Variants in BTRC observed in about 807,000 individuals in gnomAD.
BTRC encodes F-box/WD repeat-containing protein 1A.
A neutral mutation model predicts 85.5 loss-of-function variants in BTRC; 42 were observed. The ratio of observed to expected loss-of-function variants is 0.49; its 90% confidence interval spans 0.38 to 0.64. BTRC has a LOEUF of 0.64. BTRC is among the 30% of genes least tolerant of loss of function. The pLI is 0.00. For synonymous variants in BTRC, 255 were observed against 263.3 expected (o/e 0.97, Z 0.30); for missense variants, 594 against 743.5 (o/e 0.80, Z 2.34).
At chr10:101,354,109 C>G, upstream of BTRC, 22 of 1,512,322 alleles carry the variant, frequency 1.5e-5, no homozygotes, top group Non-Finnish European at 1.9e-5. Context: ...GGGATCCGGG[C>G]GCTGCGTTGG....
At chr10:101,507,808 A>G (rs1946579868) in intron 4 of BTRC, among the ~76,000 whole-genome samples, 1 of 152,186 alleles carries the variant, frequency 6.6e-6, no homozygotes, top group Non-Finnish European at 1.5e-5. Context: ...TGCCTATTTC[A>G]ATCATTTCTT....
intron 3 of BTRC, among the ~76,000 whole-genome samples, chr10:101,473,411 G>A (rs1183598732): frequency 6.8e-6 from 1 of 147,906 alleles, no homozygotes; most frequent in Non-Finnish European, 1.5e-5. Context: ...AGCCTCCTGA[G>A]TAGCTGGGAC....
intron 1 of BTRC, among the ~76,000 whole-genome samples, chr10:101,404,661 A>G (rs937277077): frequency 2.0e-5 from 3 of 152,072 alleles, no homozygotes; most frequent in African/African-American, 7.2e-5. Context: ...CTTGATGGCC[A>G]TTGTGGAATC....
intron 4 of BTRC, among the ~76,000 whole-genome samples, chr10:101,501,626 A>G (rs967949150): frequency 5.3e-5 from 8 of 152,328 alleles, no homozygotes; most frequent in Admixed American, 4.6e-4. Flanking sequence ...GAAAAATTCC[A>G]TGGGAAAGAG....
At chr10:101,527,505 C>T (rs1180873476) in intron 6 of BTRC, among the ~76,000 whole-genome samples, 1 of 152,142 alleles carries the variant, frequency 6.6e-6, no homozygotes, top group Non-Finnish European at 1.5e-5. Context: ...GTAATCCCAA[C>T]AGTTTTGGAG....
At chr10:101,469,613 T>C (rs1321063901) in intron 3 of BTRC, among the ~76,000 whole-genome samples, 1 of 152,240 alleles carries the variant, frequency 6.6e-6, no homozygotes. Flanking sequence ...AAGATACTTC[T>C]ATTGGAAGTT....
intron 13 of BTRC, among the ~76,000 whole-genome samples, chr10:101,550,208 A>G (rs1203378391): frequency 1.3e-5 from 2 of 152,182 alleles, no homozygotes; most frequent in Admixed American, 1.3e-4. Flanking sequence ...TGCTTTGTTT[A>G]CAGCTGCCTA....
At chr10:101,527,773 C>G (rs2062215223) in intron 6 of BTRC, among the ~76,000 whole-genome samples, 3 of 143,978 alleles carry the variant, frequency 2.1e-5, no homozygotes, top group South Asian at 2.2e-4. Flanking sequence ...CTCTCTCTCT[C>G]TCTCTCTCTC....
intron 1 of BTRC, among the ~76,000 whole-genome samples, chr10:101,405,477 T>G (rs1414303130): frequency 6.6e-6 from 1 of 152,226 alleles, no homozygotes; most frequent in Non-Finnish European, 1.5e-5. Flanking sequence ...CTGCACTCCT[T>G]AAGCTAGAAC....
intron 4 of BTRC, among the ~76,000 whole-genome samples, chr10:101,496,273 A>G (rs772782701): frequency 1.3e-5 from 2 of 152,188 alleles, no homozygotes; most frequent in Admixed American, 6.5e-5. Context: ...GGAATTTCCA[A>G]ACTAGCACCA....
At chr10:101,404,590 A>G (rs2134008104) in intron 1 of BTRC, among the ~76,000 whole-genome samples, 1 of 152,256 alleles carries the variant, frequency 6.6e-6, no homozygotes, top group Middle Eastern at 3.4e-3. Flanking sequence ...TGTGGTTTCA[A>G]TGTCTGTTAC....
At chr10:101,532,844 T>A in intron 8 of BTRC, 108 bp from the exon 9 acceptor site, 2 of 866,010 alleles carry the variant, frequency 2.3e-6, no homozygotes, top group Non-Finnish European at 3.7e-6. Context: ...CATTCCACAC[T>A]ACTCTGGGCT....
chr10:101,402,613 A>G (rs901610328), intron 1 of BTRC, among the ~76,000 whole-genome samples: 1 of 152,218 alleles, frequency 6.6e-6, no homozygotes, highest in Non-Finnish European at 1.5e-5. Flanking sequence ...ATGGACTTAA[A>G]TTACAGAATT....
chr10:101,440,558 CA>C (rs941806581), intron 2 of BTRC, among the ~76,000 whole-genome samples: 10 of 151,558 alleles, frequency 6.6e-5, no homozygotes, highest in African/African-American at 2.4e-4. Context: ...CCATCTTTAC[CA>C]AAAATACAAA....
rs1389354603 is a variant in BTRC at position 101,461,998 on chromosome 10, A to G, written c.174A>G (p.Glu58=). ...TTTCACAGAATTCCTCAGAGAGAGA[A>G]GACTGTAATAATGGCGAACCCCCTA... ...LTAFQNSSER[E]DCNNGEPPRK... is the part of the protein sequence containing the mutation. Residue 58 remains glutamate (E), a synonymous_variant, in exon 3 of 15, where the codon GAA becomes GAG. Coordinates refer to ENST00000370187, the MANE Select transcript of BTRC (RefSeq NM_033637.4). 1.2e-6 allele frequency: 2 copies of G among 1,611,234 alleles called. No individual in the cohort carries two copies. The highest frequency in any genetic ancestry group is 1.7e-6 in the Non-Finnish European group (2 of 1,177,948).
intron 2 of BTRC, among the ~76,000 whole-genome samples, chr10:101,443,603 A>G (rs1412048036): frequency 1.3e-5 from 2 of 152,244 alleles, no homozygotes; most frequent in Non-Finnish European, 2.9e-5. Context: ...TATAGCATAG[A>G]AAAGTTTTAA....
rs1564822883 is a variant in BTRC, at chr10:101,521,778, A to G, written c.464A>G (p.His155Arg). 1.2e-6 allele frequency: 2 copies of G among 1,614,150 alleles called. No homozygotes were observed. The highest frequency in any genetic ancestry group is 1.7e-6 in the Non-Finnish European group (2 of 1,179,986). Residue 155 changes from histidine (H) to arginine (R), a missense_variant, in exon 5 of 15, where the codon CAT becomes CGT. His to Arg is a conservative substitution (Grantham distance 29, BLOSUM62 0). Coordinates refer to ENST00000370187, the MANE Select transcript of BTRC (RefSeq NM_033637.4). Reference sequence around the variant, plus strand: ...TCAGATCAAGTGGAATTTGTGGAACATCTTATATCCCAAATGTGTCATTAC... The same window carrying G: ...TCAGATCAAGTGGAATTTGTGGAACGTCTTATATCCCAAATGTGTCATTAC... ...SESDQVEFVEHLISQMCHYQH... is the reference protein window; with the variant it reads ...SESDQVEFVERLISQMCHYQH...
At chr10:101,395,537 CCTT>C (rs1943342555) in intron 1 of BTRC, among the ~76,000 whole-genome samples, 1 of 152,088 alleles carries the variant, frequency 6.6e-6, no homozygotes. Context: ...CCCTTCCTCT[CCTT>C]AATAAAAATG....
chr10:101,366,780 A>ATATTTTTATATT (rs1564729573), intron 1 of BTRC, among the ~76,000 whole-genome samples: 2 of 103,290 alleles, frequency 1.9e-5, no homozygotes, highest in African/African-American at 3.5e-5. Context: ...ATATATATAT[A>ATATTTTTATATT]TATATATATT....
Sources: allele counts gnomAD v4.1 joint callset (sites outside exome capture counted in the v4.1 genomes callset), GRCh38; gene constraint gnomAD v4.1.1; transcripts MANE v1.5; gene names NCBI Gene and HGNC (gene_info 2026-07-23, HGNC 2026-07-21).